Variants in CD28 observed in about 807,000 individuals in gnomAD.
CD28 encodes T-cell-specific surface glycoprotein CD28.
In CD28, 8 loss-of-function variants were observed where a neutral mutation model predicts 21.4. The ratio of observed to expected loss-of-function variants is 0.37; its 90% CI spans 0.22 to 0.68. The LOEUF is 0.68. CD28 is among the 30% of genes least tolerant of loss of function. The pLI is 0.55. For missense variants in CD28, 239 were observed against 272.2 expected (o/e 0.88, Z 0.86); for synonymous variants, 106 against 104.0 (o/e 1.02, Z -0.12).
chr2:203,710,465 T>G (rs541643306), intron 1 of CD28, among the ~76,000 whole-genome samples: 3 of 152,374 alleles, frequency 2.0e-5, no homozygotes, highest in African/African-American at 7.2e-5. Flanking sequence ...TCCAAAGCTC[T>G]CACATTCAAA....
chr2:203,731,213 T>C (rs1311854081), intron 3 of CD28, among the ~76,000 whole-genome samples: 1 of 152,262 alleles, frequency 6.6e-6, no homozygotes, highest in Non-Finnish European at 1.5e-5. Flanking sequence ...GGGGCTTTGG[T>C]ATTGTAAAAT....
rs1693839444 is a variant in CD28 at position 203,729,735 on chromosome 2, A to G, written c.497A>G (p.Tyr166Cys). ...LVVVGGVLAC[Y>C]SLLVTVAFII... ...GTGGTTGGTGGAGTCCTGGCTTGCT[A>G]TAGCTTGCTAGTAACAGTGGCCTTT... The change falls in exon 3 of 4, where the codon TAT (tyrosine) becomes TGT (cysteine). Residue 166 changes from tyrosine to cysteine, a missense_variant. Tyr to Cys is a radical substitution (Grantham distance 194, BLOSUM62 -2). Around this residue, in one of 3 missense-constraint regions of CD28, gnomAD observed 112 missense variants for 112.8 expected, o/e 0.99. Coordinates refer to ENST00000324106, the MANE Select transcript of CD28 (RefSeq NM_006139.4). 6.2e-7 allele frequency: 1 copy of G among 1,614,018 alleles called. No homozygotes were observed. The highest frequency in any genetic ancestry group is 1.3e-5 in the African/African-American group (1 of 75,004).
At chr2:203,721,478 C>T (rs559669907) in intron 1 of CD28, among the ~76,000 whole-genome samples, 6 of 152,072 alleles carry the variant, frequency 3.9e-5, no homozygotes, top group Non-Finnish European at 7.4e-5. Flanking sequence ...ATCTCCCTTG[C>T]CCAGACTACT....
rs545458831 is a variant in CD28, at chr2:203,720,560, C to T, written c.53-6073C>T. On this transcript the variant is annotated intron_variant, in intron 1 of 3. Transcript: ENST00000324106. ...AACTGGAAAGCAAAAAGAAATCAAACACAAGTTAGGACGAGGGAGCTACAT... is the reference window on the plus strand; with the variant it reads ...AACTGGAAAGCAAAAAGAAATCAAATACAAGTTAGGACGAGGGAGCTACAT... Among the ~76,000 whole-genome samples the T allele has an allele frequency of 3.9e-5, 6 of 152,316 alleles. No individual in the cohort carries two copies. In the East Asian group the frequency reaches 1.2e-3, roughly 29 times the overall value.
chr2:203,722,049 A>T (rs1693617051), intron 1 of CD28, among the ~76,000 whole-genome samples: 1 of 152,130 alleles, frequency 6.6e-6, no homozygotes, highest in Non-Finnish European at 1.5e-5. Context: ...TTTTGTCTCC[A>T]CAAAGAAGTC....
chr2:203,721,846 T>C (rs540496405), intron 1 of CD28, among the ~76,000 whole-genome samples: 8 of 152,274 alleles, frequency 5.3e-5, no homozygotes, highest in Middle Eastern at 3.4e-3. Flanking sequence ...TTCTCTCCCA[T>C]GTGCATCTTA....
chr2:203,718,316 T>C (rs1238258971), intron 1 of CD28, among the ~76,000 whole-genome samples: 1 of 152,172 alleles, frequency 6.6e-6, no homozygotes, highest in Non-Finnish European at 1.5e-5. Flanking sequence ...TGGTCACGTG[T>C]TGAAGGGCAT....
chr2:203,729,941 T>C (rs1418418997), intron 3 of CD28, among the ~76,000 whole-genome samples, 169 bp downstream of exon 3: 2 of 152,192 alleles, frequency 1.3e-5, no homozygotes, highest in Non-Finnish European at 2.9e-5. Context: ...CTATCTGAGA[T>C]AAAAATCTGA....
At chr2:203,725,842 G>C (rs1052178793) in intron 1 of CD28, among the ~76,000 whole-genome samples, 16 of 148,250 alleles carry the variant, frequency 1.1e-4, no homozygotes, top group African/African-American at 3.6e-4. Flanking sequence ...CTTGCAATGG[G>C]CAATAAACAA....
At position 203,734,919 on chromosome 2, in the gene CD28, C is replaced by T. The variant is rs368916983; in HGVS notation, c.*7C>T. On this transcript the variant is annotated 3_prime_UTR_variant, in exon 4 of 4. Transcript: ENST00000324106. ...CGCAGCCTATCGCTCCTGACACGGACGCCTATCCAGAAGCCAGCCGGCTGG... is the reference window on the plus strand; with the variant it reads ...CGCAGCCTATCGCTCCTGACACGGATGCCTATCCAGAAGCCAGCCGGCTGG... The T allele has an allele frequency of 2.2e-5, 36 of 1,613,412 alleles. No homozygotes were observed. Among genetic ancestry groups the T allele is most frequent in the East Asian group, 2.2e-5 (1 of 44,884 alleles).
chr2:203,733,596 C>T (rs1296067389), intron 3 of CD28, among the ~76,000 whole-genome samples: 1 of 151,878 alleles, frequency 6.6e-6, no homozygotes, highest in Non-Finnish European at 1.5e-5. Flanking sequence ...AGGCCTAGGA[C>T]CAAGCAGTGA....
chr2:203,717,956 T>C (rs10515943), intron 1 of CD28, among the ~76,000 whole-genome samples: 22,826 of 152,208 alleles, frequency 0.15, 1,929 homozygotes, highest in Non-Finnish European at 0.19. Flanking sequence ...AAACCATAAC[T>C]TGCATTATTA....
Position 203,727,006 on chromosome 2 carries a change from C to A in CD28, c.409+17C>A. 1 of 1,429,878 alleles carries A rather than the reference C, an allele frequency of 7.0e-7. No homozygotes were observed. Among genetic ancestry groups the A allele is most frequent in the Non-Finnish European group, 9.8e-7 (1 of 1,015,582 alleles). 88.6% of individuals were successfully genotyped at this position (1,429,878 alleles called of 1,614,324 possible). ...ATGTGAAAGGTAACATACAACTTTA[C>A]CAGTGTACCACCCTAAAGTAATGGT... is the stretch of plus-strand genomic sequence containing the variant. On this transcript the variant is annotated intron_variant, in intron 2 of 3. Transcript: ENST00000324106.
rs1693769443 is a variant in CD28 at position 203,726,966 on chromosome 2, A to G, written c.386A>G (p.Asn129Ser). The G allele has an allele frequency of 2.5e-6, 4 of 1,599,268 alleles. No homozygotes were observed. Among genetic ancestry groups the G allele is most frequent in the Non-Finnish European group, 2.6e-6 (3 of 1,166,504 alleles). The change falls in exon 2 of 4, where the codon AAT (asparagine) becomes AGT (serine). Residue 129 changes from asparagine (N) to serine (S), a missense_variant. Asn to Ser is a conservative substitution (Grantham distance 46, BLOSUM62 1). This residue lies in a region of CD28 where 23 missense variants were observed against 50.9 expected (regional missense o/e 0.45). Coordinates refer to ENST00000324106, the MANE Select transcript of CD28 (RefSeq NM_006139.4). Reference protein sequence around the residue: ...PPPYLDNEKSNGTIIHVKGKH... With the variant: ...PPPYLDNEKSSGTIIHVKGKH... Reference sequence around the variant, plus strand: ...CCTTACCTAGACAATGAGAAGAGCAATGGAACCATTATCCATGTGAAAGGT... The same window carrying G: ...CCTTACCTAGACAATGAGAAGAGCAGTGGAACCATTATCCATGTGAAAGGT...
At chr2:203,730,204 T>C (rs1693851486) in intron 3 of CD28, among the ~76,000 whole-genome samples, 1 of 152,168 alleles carries the variant, frequency 6.6e-6, no homozygotes, top group South Asian at 2.1e-4. Context: ...CTACTGAAAT[T>C]GTGTATTCAA....
chr2:203,716,380 G>C (rs763809548), intron 1 of CD28, among the ~76,000 whole-genome samples: 22 of 152,196 alleles, frequency 1.4e-4, no homozygotes, highest in Non-Finnish European at 2.5e-4. Context: ...GCTTCGGAGA[G>C]TAGCTGATTG....
chr2:203,716,269 G>A (rs1693460142), intron 1 of CD28, among the ~76,000 whole-genome samples: 1 of 152,114 alleles, frequency 6.6e-6, no homozygotes, highest in Non-Finnish European at 1.5e-5. Context: ...CCAGCTAAAT[G>A]TGAAGTCTCT....
intron 1 of CD28, among the ~76,000 whole-genome samples, chr2:203,725,432 T>G (rs1693717628): frequency 6.6e-6 from 1 of 152,106 alleles, no homozygotes; most frequent in African/African-American, 2.4e-5. Context: ...CACCATTTGT[T>G]TGGTGACTTC....
intron 2 of CD28, among the ~76,000 whole-genome samples, chr2:203,727,434 C>CTTCCTTCCTTCT (rs747890342): frequency 4.6e-5 from 2 of 43,584 alleles, no homozygotes; most frequent in African/African-American, 8.9e-5. Flanking sequence ...TTTCTTTTTC[C>CTTCCTTCCTTCT]TTCCTTCCTT....
Sources: gnomAD v4.1 joint callset for allele counts (sites outside exome capture counted in the v4.1 genomes callset) on GRCh38, gnomAD v4.1.1 for gene constraint, gnomAD v4.1.1 regional missense constraint, MANE v1.5 for transcripts, NCBI Gene and HGNC (gene_info 2026-07-23, HGNC 2026-07-21) for gene names.